LRP1B: variants seen among roughly 807,000 people sequenced by gnomAD.
The protein encoded by LRP1B is LDL receptor related protein 1B.
Under a neutral mutation model 556.6 loss-of-function variants are expected in LRP1B, and 217 were observed. That is an observed-to-expected ratio of 0.39 (90% CI 0.35 to 0.44). LRP1B has a LOEUF of 0.44. Among genes scored for constraint, LRP1B ranks in the 20% least tolerant of loss-of-function variants. LRP1B has a pLI of 1.00. For missense variants in LRP1B, 5,053 were observed against 5,620.8 expected (o/e 0.90, Z 3.23); for synonymous variants, 2,047 against 1,865.8 (o/e 1.10, Z -2.50).
chr2:141,655,722 G>A (rs181927489), intron 2 of LRP1B, among the ~76,000 whole-genome samples: 21 of 152,046 alleles, frequency 1.4e-4, no homozygotes, highest in Admixed American at 3.3e-4. Flanking sequence ...GAGAAATCAT[G>A]TAGAATAACT....
In LRP1B at chr2:140,737,095, G is replaced by A. The variant is rs1484532678; in HGVS notation, c.5759-20279C>T. On this transcript the variant is annotated intron_variant, in intron 35 of 90. Transcript: ENST00000389484. ...AGGGAAGACAAGAAGCCAGAGGGTG[G>A]TTGCCCCAATAAAAATGTATGATCC... Among the ~76,000 whole-genome samples the A allele has an allele frequency of 8.5e-5, 13 of 152,214 alleles. No individual in the cohort carries two copies. In the East Asian group the frequency reaches 2.5e-3, roughly 29 times the overall value.
chr2:140,646,257 G>A (rs2105310204), intron 41 of LRP1B, among the ~76,000 whole-genome samples: 1 of 152,238 alleles, frequency 6.6e-6, no homozygotes, highest in African/African-American at 2.4e-5. Flanking sequence ...ATCCTTCTAG[G>A]AAAGTGCTTG....
intron 53 of LRP1B, among the ~76,000 whole-genome samples, chr2:140,504,749 A>G (rs1357377448): frequency 6.6e-6 from 1 of 152,164 alleles, no homozygotes; most frequent in Non-Finnish European, 1.5e-5. Flanking sequence ...GTCCTACTGT[A>G]AATGAAGTCT....
chr2:140,724,372 C>T (rs1687516312), intron 35 of LRP1B, among the ~76,000 whole-genome samples: 1 of 151,828 alleles, frequency 6.6e-6, no homozygotes, highest in African/African-American at 2.4e-5. Context: ...ATATACAGAA[C>T]AAAAAATAAT....
rs1342132196 is a variant in LRP1B, at chr2:140,517,723, T to TG, written c.8027-713_8027-712insC. Among the ~76,000 whole-genome samples the TG allele has an allele frequency of 5.0e-3, 745 of 149,168 alleles. 6 individuals are homozygous for TG. Among genetic ancestry groups the TG allele is most frequent in the African/African-American group, 0.018 (718 of 40,638 alleles). Reference sequence around the variant, plus strand: ...ATTTATCTTTCCTTTTTTTTTTTTTTTTGTTGAGATGGAGTTTCACTCTGT... The same window carrying TG: ...ATTTATCTTTCCTTTTTTTTTTTTTTGTTGTTGAGATGGAGTTTCACTCTGT... On this transcript the variant is annotated intron_variant, in intron 49 of 90. Coordinates refer to ENST00000389484, the MANE Select transcript of LRP1B (RefSeq NM_018557.3).
intron 3 of LRP1B, among the ~76,000 whole-genome samples, chr2:141,405,219 T>C (rs548634353): frequency 3.3e-5 from 5 of 152,350 alleles, no homozygotes; most frequent in African/African-American, 4.8e-5. Flanking sequence ...AGTGGGTTTT[T>C]CTTGTTTGGA....
chr2:141,359,760 GCC>G (rs1559028273), intron 3 of LRP1B, among the ~76,000 whole-genome samples: 1 of 43,634 alleles, frequency 2.3e-5, no homozygotes, highest in Non-Finnish European at 8.0e-5. Flanking sequence ...CGGCCCCCGC[GCC>G]CCGCCCCGCC....
intron 1 of LRP1B, among the ~76,000 whole-genome samples, chr2:142,102,392 A>G (rs1706599531): frequency 6.6e-6 from 1 of 151,900 alleles, no homozygotes; most frequent in African/African-American, 2.4e-5. Flanking sequence ...TATCAGACAA[A>G]TTCACTTAAG....
intron 1 of LRP1B, among the ~76,000 whole-genome samples, chr2:141,996,183 A>T (rs1280735450): frequency 6.8e-6 from 1 of 147,892 alleles, no homozygotes; most frequent in East Asian, 2.0e-4. Flanking sequence ...ATGACACTGC[A>T]CTCCAGCCTG....
chr2:141,178,509 T>G (rs1680841127), intron 7 of LRP1B, among the ~76,000 whole-genome samples: 4 of 152,108 alleles, frequency 2.6e-5, no homozygotes, highest in African/African-American at 9.7e-5. Context: ...AATGATATGA[T>G]GGAGAGGACT....
At chr2:141,202,960 T>G (rs972563270) in intron 6 of LRP1B, among the ~76,000 whole-genome samples, 1 of 152,056 alleles carries the variant, frequency 6.6e-6, no homozygotes, top group South Asian at 2.1e-4. Context: ...CTCCCAATTA[T>G]GAGTGAGAAC....
At chr2:141,796,099 G>T (rs1695803457) in intron 2 of LRP1B, among the ~76,000 whole-genome samples, 2 of 151,420 alleles carry the variant, frequency 1.3e-5, no homozygotes, top group African/African-American at 4.8e-5. Context: ...TATCTAATTT[G>T]TTAAATCAGT....
At chr2:141,344,587 CCTTT>C (rs1333584728) in intron 3 of LRP1B, among the ~76,000 whole-genome samples, 1 of 152,054 alleles carries the variant, frequency 6.6e-6, no homozygotes, top group Non-Finnish European at 1.5e-5. Context: ...CTTCTTTCTT[CCTTT>C]ATTTTTTCTT....
At chr2:141,835,533 G>T (rs917182852) in intron 1 of LRP1B, among the ~76,000 whole-genome samples, 1 of 151,092 alleles carries the variant, frequency 6.6e-6, no homozygotes, top group African/African-American at 2.4e-5. Context: ...ATATATAATT[G>T]AAAAAAAATT....
At chr2:140,573,198 T>C (rs909929995) in intron 43 of LRP1B, among the ~76,000 whole-genome samples, 1 of 151,904 alleles carries the variant, frequency 6.6e-6, no homozygotes, top group Non-Finnish European at 1.5e-5. Context: ...TAACATAATT[T>C]CATCATTACA....
chr2:141,529,544 T>C (rs1684800870), intron 2 of LRP1B, among the ~76,000 whole-genome samples: 2 of 152,212 alleles, frequency 1.3e-5, no homozygotes, highest in Non-Finnish European at 2.9e-5. Context: ...AGAAATGAGA[T>C]AATTCTTATT....
chr2:140,370,488 C>G (rs917530364), intron 71 of LRP1B, among the ~76,000 whole-genome samples: 5 of 151,908 alleles, frequency 3.3e-5, no homozygotes, highest in Admixed American at 6.6e-5. Flanking sequence ...AAACACTTGC[C>G]CTGTGTTCGT....
At chr2:140,255,551 G>A (rs563347010) in intron 86 of LRP1B, among the ~76,000 whole-genome samples, 18 of 152,282 alleles carry the variant, frequency 1.2e-4, no homozygotes, top group African/African-American at 4.3e-4. Context: ...ACTAAAGGCA[G>A]AGATTATTGA....
chr2:141,230,107 T>C (rs1332532943), intron 5 of LRP1B, among the ~76,000 whole-genome samples: 3 of 152,230 alleles, frequency 2.0e-5, no homozygotes, highest in Non-Finnish European at 4.4e-5. Context: ...GAGTTTTTGA[T>C]GAACATATAC....
Sources: gnomAD v4.1 joint callset for allele counts (sites outside exome capture counted in the v4.1 genomes callset) on GRCh38, gnomAD v4.1.1 for gene constraint, MANE v1.5 for transcripts, NCBI Gene and HGNC (gene_info 2026-07-23, HGNC 2026-07-21) for gene names.